MYO1D: variants seen among roughly 807,000 people sequenced by gnomAD.
MYO1D encodes the protein myosin ID.
In MYO1D, 83 loss-of-function variants were observed where a neutral mutation model predicts 122.0. The observed-to-expected ratio is 0.68, with a 90% CI of 0.57 to 0.82. The LOEUF (loss-of-function observed/expected upper bound fraction) is 0.82. Ranked by LOEUF, MYO1D falls within the 40% of genes least tolerant of loss-of-function variation. The pLI, the probability that MYO1D is intolerant of heterozygous loss-of-function variation, is 0.00. For synonymous variants in MYO1D, 464 were observed against 446.9 expected, an observed-to-expected ratio of 1.04 and a Z score of -0.48; for missense variants, 1,157 against 1,269.5, an observed-to-expected ratio of 0.91 and a Z score of 1.35.
At chr17:32,679,719 C>T (rs567375794) in intron 16 of MYO1D, among the ~76,000 whole-genome samples, 29 of 152,180 alleles carry the variant, frequency 1.9e-4, no homozygotes, top group African/African-American at 6.7e-4. Context: ...GTTCTTTTGG[C>T]TTAGGATTGA....
chr17:32,669,895 CTT>C (rs151075296), intron 16 of MYO1D, among the ~76,000 whole-genome samples: 1 of 143,840 alleles, frequency 7.0e-6, no homozygotes, highest in Non-Finnish European at 1.5e-5. Flanking sequence ...TTTTCTTTTT[CTT>C]TTTTCTTTTT....
chr17:32,736,183 A>T (rs2089698829), intron 14 of MYO1D, among the ~76,000 whole-genome samples: 1 of 151,272 alleles, frequency 6.6e-6, no homozygotes, highest in Non-Finnish European at 1.5e-5. Flanking sequence ...TTCTCCCCTG[A>T]TCTCCATACA....
rs773181780 is a variant in MYO1D, at chr17:32,494,789, C to T, written c.2991G>A (p.Ser997=). 6.8e-6 allele frequency: 11 copies of T among 1,611,100 alleles called. No individual in the cohort carries two copies. In the African/African-American group the frequency reaches 8.0e-5, roughly 12 times the overall value. Residue 997 remains serine, a synonymous_variant, in exon 22 of 22, where the codon TCG becomes TCA. Coordinates refer to ENST00000318217, the MANE Select transcript of MYO1D (RefSeq NM_015194.3). ...QPQPDFTKNR[S]GFILSVPGN is the part of the protein sequence containing the mutation. ...TCCCGGGCACGCTGAGGATGAAGCC[C>T]GAGCGATTCTTGGTGAAGTCGGGCT...
At chr17:32,665,155 A>C (rs76743932) in intron 16 of MYO1D, among the ~76,000 whole-genome samples, 2,202 of 152,158 alleles carry the variant, frequency 0.014, 57 homozygotes, top group African/African-American at 0.05. Flanking sequence ...TTCCCAAGGG[A>C]GGCCAGCCCT....
intron 16 of MYO1D, among the ~76,000 whole-genome samples, chr17:32,659,946 C>T (rs1202504229): frequency 6.6e-6 from 1 of 152,178 alleles, no homozygotes; most frequent in Non-Finnish European, 1.5e-5. Context: ...ACTATATAAA[C>T]GCCTCAATGC....
At chr17:32,678,632 C>T (rs2088861388) in intron 16 of MYO1D, among the ~76,000 whole-genome samples, 1 of 151,112 alleles carries the variant, frequency 6.6e-6, no homozygotes, top group South Asian at 2.1e-4. Flanking sequence ...TGTATATATG[C>T]CACATTTTCT....
intron 20 of MYO1D, among the ~76,000 whole-genome samples, chr17:32,630,416 A>G (rs1241782562): frequency 6.6e-6 from 1 of 152,196 alleles, no homozygotes; most frequent in Non-Finnish European, 1.5e-5. Context: ...AAAAATAACT[A>G]TAACTTACAA....
intron 16 of MYO1D, among the ~76,000 whole-genome samples, chr17:32,690,857 T>A (rs778489420): frequency 6.6e-6 from 1 of 152,182 alleles, no homozygotes; most frequent in African/African-American, 2.4e-5. Flanking sequence ...GCCACAGGTA[T>A]TTTTTTAATA....
At chr17:32,872,570 G>A (rs916794545) in intron 1 of MYO1D, among the ~76,000 whole-genome samples, 4 of 151,318 alleles carry the variant, frequency 2.6e-5, no homozygotes, top group Non-Finnish European at 5.9e-5. Flanking sequence ...CACCGCGCCC[G>A]GCCGCAGGTT....
intron 1 of MYO1D, among the ~76,000 whole-genome samples, chr17:32,810,089 C>T (rs750606559): frequency 2.0e-5 from 3 of 152,214 alleles, no homozygotes; most frequent in Admixed American, 6.5e-5. Context: ...AATGATGTGG[C>T]TGAAAGGTGT....
chr17:32,543,958 A>C (rs1032671737), intron 21 of MYO1D, among the ~76,000 whole-genome samples: 4 of 151,924 alleles, frequency 2.6e-5, no homozygotes, highest in African/African-American at 9.7e-5. Flanking sequence ...ACACCTGGCT[A>C]ATTTTTGTAT....
Position 32,764,975 on chromosome 17 carries a change from T to C in MYO1D, c.938A>G (p.Lys313Arg). The change falls in exon 8 of 22, where the codon AAA (lysine) becomes AGA (arginine). Residue 313 changes from lysine to arginine, a missense_variant. Lys to Arg is a conservative substitution (Grantham distance 26). Transcript: ENST00000318217. Reference protein sequence around the residue: ...LLSTKTDMVEKALLYRTVATG... With the variant: ...LLSTKTDMVERALLYRTVATG... The stretch of plus-strand genomic sequence containing the variant: ...GGCCACAGTCCGGTAAAGAAGGGCT[T>C]TCTCAACCATATCTGTCTTAGTAGA... The C allele has an allele frequency of 6.2e-7, 1 of 1,614,250 alleles. No homozygotes were observed. The highest frequency in any genetic ancestry group is 8.5e-7 in the Non-Finnish European group (1 of 1,180,040).
intron 16 of MYO1D, among the ~76,000 whole-genome samples, chr17:32,694,578 G>A (rs1168261436): frequency 6.6e-6 from 1 of 151,444 alleles, no homozygotes; most frequent in Admixed American, 6.6e-5. Context: ...GCGGGCGCCT[G>A]TAGTCCCAGC....
intron 10 of MYO1D, among the ~76,000 whole-genome samples, chr17:32,757,214 A>G (rs1402986739): frequency 2.0e-5 from 3 of 152,076 alleles, no homozygotes; most frequent in Non-Finnish European, 4.4e-5. Context: ...TATCTTATGG[A>G]CTGAAACCTG....
At chr17:32,545,570 C>T (rs909645376) in intron 21 of MYO1D, among the ~76,000 whole-genome samples, 1 of 152,140 alleles carries the variant, frequency 6.6e-6, no homozygotes, top group Non-Finnish European at 1.5e-5. Flanking sequence ...TACTTCTGTC[C>T]CTAACTGGTC....
At chr17:32,748,285 T>C (rs2089860324) in intron 12 of MYO1D, among the ~76,000 whole-genome samples, 1 of 152,216 alleles carries the variant, frequency 6.6e-6, no homozygotes, top group Non-Finnish European at 1.5e-5. Flanking sequence ...ACCCAACTAT[T>C]TGCAGATCTT....
At chr17:32,853,492 T>G (rs1468829900) in intron 1 of MYO1D, among the ~76,000 whole-genome samples, 1 of 152,232 alleles carries the variant, frequency 6.6e-6, no homozygotes, top group Non-Finnish European at 1.5e-5. Flanking sequence ...TCCGTTTACC[T>G]CCCAGAAATA....
At chr17:32,860,229 T>C (rs976671585) in intron 1 of MYO1D, among the ~76,000 whole-genome samples, 1 of 152,244 alleles carries the variant, frequency 6.6e-6, no homozygotes, top group African/African-American at 2.4e-5. Context: ...GCAGAGTCCT[T>C]AGGGACTGGC....
chr17:32,695,333 T>C (rs1465772315), intron 16 of MYO1D, among the ~76,000 whole-genome samples: 1 of 152,224 alleles, frequency 6.6e-6, no homozygotes, highest in Non-Finnish European at 1.5e-5. Context: ...GGTGGTAATG[T>C]TTGCTCACTT....
Sources: gnomAD v4.1 joint callset for allele counts (sites outside exome capture counted in the v4.1 genomes callset) on GRCh38, gnomAD v4.1.1 for gene constraint, MANE v1.5 for transcripts, NCBI Gene and HGNC (gene_info 2026-07-23, HGNC 2026-07-21) for gene names.